The following ADAMTSL1 variants were observed in gnomAD, a reference collection of about 807,000 sequenced individuals.
ADAMTSL1 encodes ADAMTS-like protein 1.
Under a neutral mutation model 201.8 loss-of-function variants are expected in ADAMTSL1, and 126 were observed. The observed-to-expected ratio is 0.62, with a 90% CI of 0.54 to 0.72. ADAMTSL1 has a LOEUF of 0.72. Ranked by LOEUF, ADAMTSL1 falls within the 30% of genes least tolerant of loss-of-function variation. The pLI, the probability that ADAMTSL1 is intolerant of heterozygous loss-of-function variation, is 0.00. For synonymous variants in ADAMTSL1, 1,121 were observed against 903.4 expected, an observed-to-expected ratio of 1.24 and a Z score of -4.32; for missense variants, 2,679 against 2,277.8, an observed-to-expected ratio of 1.18 and a Z score of -3.59.
chr9:18,610,731 G>C (rs1825314356), intron 4 of ADAMTSL1, among the ~76,000 whole-genome samples: 2 of 152,182 alleles, frequency 1.3e-5, no homozygotes. Flanking sequence ...GATGGGAGGA[G>C]AATTGTTTGG....
At chr9:18,340,393 A>T (rs1288493153) in intron 2 of ADAMTSL1, among the ~76,000 whole-genome samples, 1 of 152,154 alleles carries the variant, frequency 6.6e-6, no homozygotes, top group Admixed American at 6.5e-5. Context: ...TACAAATCCA[A>T]ATGTATATCC....
At chr9:18,804,534 C>G (rs1352702037) in intron 20 of ADAMTSL1, among the ~76,000 whole-genome samples, 1 of 152,166 alleles carries the variant, frequency 6.6e-6, no homozygotes, top group Non-Finnish European at 1.5e-5. Context: ...AACAAAGCAA[C>G]TCTTATGGGA....
At chr9:18,772,296 G>T (rs1018248673) in intron 17 of ADAMTSL1, among the ~76,000 whole-genome samples, 1 of 152,218 alleles carries the variant, frequency 6.6e-6, no homozygotes, top group African/African-American at 2.4e-5. Context: ...AGGGACTTGT[G>T]TGTGTTATAA....
intron 2 of ADAMTSL1, among the ~76,000 whole-genome samples, chr9:18,241,755 A>C (rs1236324887): frequency 2.0e-5 from 3 of 152,124 alleles, no homozygotes; most frequent in Non-Finnish European, 4.4e-5. Flanking sequence ...ATATACCAAA[A>C]AATGGGATAA....
intron 2 of ADAMTSL1, among the ~76,000 whole-genome samples, chr9:18,249,632 A>G (rs867921938): frequency 6.6e-6 from 1 of 152,204 alleles, no homozygotes; most frequent in Middle Eastern, 3.2e-3. Flanking sequence ...AAGATTTTAT[A>G]TTTCATGGAA....
chr9:18,220,165 A>G (rs978207454), intron 2 of ADAMTSL1, among the ~76,000 whole-genome samples: 11 of 152,000 alleles, frequency 7.2e-5, no homozygotes, highest in African/African-American at 2.7e-4. Flanking sequence ...ATCTTTACTA[A>G]TTTTTCACCT....
chr9:18,533,564 C>G (rs1416624982), intron 3 of ADAMTSL1, among the ~76,000 whole-genome samples: 1 of 152,144 alleles, frequency 6.6e-6, no homozygotes, highest in East Asian at 1.9e-4. Flanking sequence ...GCATATAGAT[C>G]TCATGAGGAT....
At chr9:18,346,561 A>G (rs1261270660) in intron 2 of ADAMTSL1, among the ~76,000 whole-genome samples, 3 of 152,204 alleles carry the variant, frequency 2.0e-5, no homozygotes, top group Non-Finnish European at 1.5e-5. Flanking sequence ...TGCCTGGAAC[A>G]GAAAAGCGTT....
At chr9:18,748,249 G>T (rs7021767) in intron 15 of ADAMTSL1, among the ~76,000 whole-genome samples, 73,096 of 152,070 alleles carry the variant, frequency 0.48, 17,940 homozygotes, top group South Asian at 0.6. Context: ...AACACCTGAA[G>T]CCTAGGAGCT....
chr9:18,600,817 A>C (rs1824600430), intron 4 of ADAMTSL1, among the ~76,000 whole-genome samples: 1 of 152,226 alleles, frequency 6.6e-6, no homozygotes, highest in African/African-American at 2.4e-5. Flanking sequence ...ACAAAAATAT[A>C]AACTCTTAGC....
At chr9:18,720,125 G>T (rs1457800112) in intron 14 of ADAMTSL1, among the ~76,000 whole-genome samples, 4 of 152,124 alleles carry the variant, frequency 2.6e-5, no homozygotes, top group Admixed American at 1.3e-4. Flanking sequence ...CTGCTGAAAT[G>T]ATTCCAGACA....
intron 7 of ADAMTSL1, among the ~76,000 whole-genome samples, chr9:18,644,173 G>T (rs1310320133): frequency 6.6e-6 from 1 of 151,586 alleles, no homozygotes; most frequent in Non-Finnish European, 1.5e-5. Flanking sequence ...TTTTTGAATG[G>T]TTTGATATTA....
chr9:17,957,874 A>C (rs1333244788), intron 1 of ADAMTSL1, among the ~76,000 whole-genome samples: 2 of 152,126 alleles, frequency 1.3e-5, no homozygotes, highest in Non-Finnish European at 2.9e-5. Flanking sequence ...GAGGAGAGGA[A>C]GAATCCTTTT....
rs77522422 is a variant in ADAMTSL1, at chr9:18,209,042, T to G, written c.207+45061T>G. On this transcript the variant is annotated intron_variant, in intron 2 of 29. Coordinates refer to the ADAMTSL1 transcript ENST00000680146. ...TGACATGCTATATAAAGGAAAATAT[T>G]ATTTACCATTTGTAATTTAGGTTTA... 2.0e-3 allele frequency among the ~76,000 whole-genome samples: 307 copies of G among 152,300 alleles called. 2 individuals carry two copies. Among genetic ancestry groups the G allele is most frequent in the African/African-American group, 7.2e-3 (301 of 41,570 alleles).
Position 18,640,527 on chromosome 9 carries a change from A to G in ADAMTSL1, c.834+1116A>G, listed in dbSNP as rs529628476. On this transcript the variant is annotated intron_variant, in intron 7 of 28. Coordinates refer to ENST00000380548, the MANE Select transcript of ADAMTSL1 (RefSeq NM_001040272.6). The stretch of plus-strand genomic sequence containing the variant: ...AATATTGCTTACATTGGAACAGCTC[A>G]CAGCATTGTCAAATGTGTTACATCT... Among the ~76,000 whole-genome samples the G allele has an allele frequency of 8.7e-4, 133 of 152,216 alleles. 1 individual carries two copies. The highest frequency in any genetic ancestry group is 2.9e-3 in the South Asian group (14 of 4,832).
intron 2 of ADAMTSL1, among the ~76,000 whole-genome samples, chr9:18,237,682 C>T (rs1484444327): frequency 6.6e-6 from 1 of 152,188 alleles, no homozygotes; most frequent in East Asian, 1.9e-4. Flanking sequence ...CTTAAGTAGT[C>T]AACTGAATCT....
At chr9:18,074,554 CTCT>C (rs1823123469) in intron 1 of ADAMTSL1, among the ~76,000 whole-genome samples, 4 of 90,240 alleles carry the variant, frequency 4.4e-5, no homozygotes, top group Non-Finnish European at 9.1e-5. Context: ...CTTTTCTCTT[CTCT>C]TTTCTTTTTT....
chr9:18,074,609 A>C lies in ADAMTSL1; in HGVS notation c.88-89253A>C, dbSNP rs546664536. ...TTTGTTGTTGTTGTTATTGTTGTTG[A>C]GACGGAGTTTCACTCTCGTCACTCA... On this transcript the variant is annotated intron_variant, in intron 1 of 29. Transcript: ENST00000680146. Among the ~76,000 whole-genome samples the C allele has an allele frequency of 4.6e-5, 6 of 129,606 alleles. No homozygotes were observed. The East Asian group carries it at 9.4e-4, about 20-fold the overall frequency. 85.0% of individuals were successfully genotyped at this position (129,606 alleles called of 152,430 possible). A position where few individuals can be genotyped will look rare whatever the true frequency, so the allele number is the denominator to read the frequency against.
chr9:18,826,663 A>G (rs1824590270), intron 22 of ADAMTSL1, among the ~76,000 whole-genome samples, 200 bp downstream of exon 22: 1 of 152,156 alleles, frequency 6.6e-6, no homozygotes, highest in African/African-American at 2.4e-5. Flanking sequence ...TGGCTCTTCC[A>G]TTTACTAACT....
Sources: gnomAD v4.1 joint callset for allele counts (sites outside exome capture counted in the v4.1 genomes callset) on GRCh38, gnomAD v4.1.1 for gene constraint, MANE v1.5 for transcripts, NCBI Gene and HGNC (gene_info 2026-07-23, HGNC 2026-07-21) for gene names.